GNS: variants seen among roughly 807,000 people sequenced by gnomAD.
GNS encodes the protein N-acetylglucosamine-6-sulfatase.
GNS carries 40 observed loss-of-function variants against 69.7 expected under a neutral mutation model. The observed-to-expected ratio is 0.57, with a 90% CI of 0.45 to 0.75. The LOEUF (loss-of-function observed/expected upper bound fraction) is 0.75. Among genes scored for constraint, GNS ranks in the 30% least tolerant of loss-of-function variants. The pLI is 0.00. For missense variants in GNS, 565 were observed against 685.5 expected, an observed-to-expected ratio of 0.82 and a Z score of 1.96; for synonymous variants, 243 against 251.6, an observed-to-expected ratio of 0.97 and a Z score of 0.32.
intron 10 of GNS, among the ~76,000 whole-genome samples, chr12:64,728,265 G>A (rs937384739): frequency 6.6e-6 from 1 of 152,192 alleles, no homozygotes; most frequent in Non-Finnish European, 1.5e-5. Flanking sequence ...TGGGAATTAA[G>A]CTGTTAAAAA....
chr12:64,755,752 C>G (rs566361359), intron 1 of GNS, among the ~76,000 whole-genome samples: 5 of 145,374 alleles, frequency 3.4e-5, no homozygotes, highest in African/African-American at 1.3e-4. Flanking sequence ...AATCTCAGCT[C>G]ACTGCAACCT....
intron 3 of GNS, 150 bp from the exon 4 acceptor site, chr12:64,745,874 C>T: frequency 3.0e-6 from 2 of 669,092 alleles, no homozygotes; most frequent in South Asian, 1.7e-5. Context: ...AAAATAAACG[C>T]TAATAATCCT....
At chr12:64,735,766 T>C (rs888045320) in intron 9 of GNS, among the ~76,000 whole-genome samples, 1 of 152,188 alleles carries the variant, frequency 6.6e-6, no homozygotes, top group Non-Finnish European at 1.5e-5. Flanking sequence ...TAAACTTGCT[T>C]ATCTCCTTTG....
In GNS at chr12:64,732,704, G is replaced by A. The variant is rs978375481; in HGVS notation, c.1099-3647C>T. Among the ~76,000 whole-genome samples the A allele has an allele frequency of 2.1e-4, 32 of 151,904 alleles. No homozygotes were observed. The Middle Eastern group carries it at 0.014, about 65-fold the overall frequency. On this transcript the variant is annotated intron_variant, in intron 9 of 13. Transcript: ENST00000258145. ...TCTCGATCTCCTGACCTCCTGATCC[G>A]CCTGCCTCGGCCTCCCAAAGTGCTG... is the stretch of plus-strand genomic sequence containing the variant.
rs961321163 is a variant in GNS at position 64,733,297 on chromosome 12, CAAAAAAAAAAAA to C, written c.1098+3695_1098+3706del. The stretch of plus-strand genomic sequence containing the variant: ...TAAGTTACAGAGCAAGACCCTGTCT[CAAAAAAAAAAAA>C]AAAAAAAAAAAAAAAAAAATTCCTG... On this transcript the variant is annotated intron_variant, in intron 9 of 13. Transcript: ENST00000258145. Among the ~76,000 whole-genome samples, 42 of 26,652 alleles carry C rather than the reference CAAAAAAAAAAAA, an allele frequency of 1.6e-3. No individual in the cohort carries two copies. In the South Asian group the frequency reaches 0.04, roughly 25 times the overall value. The allele number at this position is 26,652 out of a possible 152,430, so 17.5% of individuals were successfully genotyped here.
chr12:64,716,352 A>C lies in GNS; in HGVS notation c.*389T>G. 1 of 289,534 alleles carries C rather than the reference A, an allele frequency of 3.5e-6. No individual in the cohort carries two copies. Among genetic ancestry groups the C allele is most frequent in the Admixed American group, 4.5e-5 (1 of 22,332 alleles). The allele number at this position is 289,534 out of a possible 1,614,324, so 17.9% of individuals were successfully genotyped here. ...TGACTTTAGGTCAAGCTTACATATC[A>C]AAAGGTGTGTCTGTGTGTTTGTGTG... On this transcript the variant is annotated 3_prime_UTR_variant, in exon 14 of 14. Coordinates refer to ENST00000258145, the MANE Select transcript of GNS (RefSeq NM_002076.4).
Position 64,740,661 on chromosome 12 carries a change from T to C in GNS, c.820A>G (p.Lys274Glu), listed in dbSNP as rs1869702837. The C allele has an allele frequency of 6.3e-7, 1 of 1,586,798 alleles. No homozygotes were observed. ...TNKHWLIRQA[K>E]TPMTNSSIQF... ...ATTGAAGAATTAGTCATTGGAGTCT[T>C]GGCTTGCCTAATTAACCAGTGCTTG... The change falls in exon 7 of 14, where the codon AAG becomes GAG. Residue 274 changes from lysine to glutamate, a missense_variant. Transcript: ENST00000258145.
chr12:64,741,905 CT>C (rs1395666696), intron 6 of GNS, among the ~76,000 whole-genome samples: 1 of 152,214 alleles, frequency 6.6e-6, no homozygotes, highest in Non-Finnish European at 1.5e-5. Context: ...ACTTTCCAAA[CT>C]TACTTGACCA....
At chr12:64,742,239 C>T (rs150530039) in intron 6 of GNS, among the ~76,000 whole-genome samples, 1,829 of 152,240 alleles carry the variant, frequency 0.012, 13 homozygotes, top group Non-Finnish European at 0.019. Flanking sequence ...CCAGGATGGT[C>T]TCAATCTCCT....
intron 13 of GNS, among the ~76,000 whole-genome samples, chr12:64,718,123 T>G (rs574533001): frequency 1.8e-4 from 28 of 152,300 alleles, no homozygotes; most frequent in Admixed American, 7.2e-4. Context: ...GGATCTGGTC[T>G]GATGACCCCA....
chr12:64,748,627 G>A (rs1204265998), intron 2 of GNS, among the ~76,000 whole-genome samples: 1 of 152,112 alleles, frequency 6.6e-6, no homozygotes, highest in East Asian at 1.9e-4. Flanking sequence ...CTGATCTGCA[G>A]CTTTACACAT....
chr12:64,752,916 G>A (rs2136253429), intron 1 of GNS, 159 bp from the exon 2 acceptor site: 2 of 638,120 alleles, frequency 3.1e-6, no homozygotes, highest in Non-Finnish European at 5.6e-6. Context: ...CTAGAGACAA[G>A]TTTGGTTCCG....
intron 11 of GNS, 37 bp from the exon 12 acceptor site, chr12:64,721,742 CT>C (rs1261803702): frequency 1.9e-6 from 2 of 1,048,396 alleles, no homozygotes; most frequent in South Asian, 2.5e-5. Flanking sequence ...GAAGACAGTT[CT>C]TCCATAGTAA....
intron 1 of GNS, among the ~76,000 whole-genome samples, chr12:64,757,048 A>G (rs529013979): frequency 6.6e-6 from 1 of 152,150 alleles, no homozygotes; most frequent in East Asian, 1.9e-4. Context: ...ACGTAGTGAC[A>G]TGTGCCTGTA....
At chr12:64,728,501 T>A (rs933799709) in intron 10 of GNS, among the ~76,000 whole-genome samples, 1 of 152,242 alleles carries the variant, frequency 6.6e-6, no homozygotes, top group African/African-American at 2.4e-5. Context: ...TTGGGTATTT[T>A]AAAAATCTTT....
chr12:64,755,603 C>T (rs1870226037), intron 1 of GNS, among the ~76,000 whole-genome samples: 1 of 151,170 alleles, frequency 6.6e-6, no homozygotes, highest in Admixed American at 6.6e-5. Flanking sequence ...ATTATTCTTC[C>T]CCTACCTTTC....
At chr12:64,729,612 G>GT (rs929258611) in intron 9 of GNS, among the ~76,000 whole-genome samples, 1 of 152,132 alleles carries the variant, frequency 6.6e-6, no homozygotes, top group Admixed American at 6.5e-5. Context: ...AGCAATAAAA[G>GT]TTTTTTTAAG....
At chr12:64,739,876 C>T (rs1263802327) in intron 7 of GNS, among the ~76,000 whole-genome samples, 1 of 152,192 alleles carries the variant, frequency 6.6e-6, no homozygotes, top group Non-Finnish European at 1.5e-5. Context: ...ATTCTCAGTA[C>T]TGTGTATTAC....
chr12:64,744,286 T>C (rs996374588), intron 5 of GNS, among the ~76,000 whole-genome samples: 1 of 152,242 alleles, frequency 6.6e-6, no homozygotes, highest in African/African-American at 2.4e-5. Flanking sequence ...GAACACTGGC[T>C]ACACTAGGTG....
Sources: gnomAD v4.1 joint callset for allele counts (sites outside exome capture counted in the v4.1 genomes callset) on GRCh38, gnomAD v4.1.1 for gene constraint, MANE v1.5 for transcripts, NCBI Gene and HGNC (gene_info 2026-07-23, HGNC 2026-07-21) for gene names.